The following LRRC4C variants were observed in gnomAD, a reference collection of about 807,000 sequenced individuals.
LRRC4C encodes the protein leucine-rich repeat-containing protein 4C.
LRRC4C carries 5 observed loss-of-function variants against 33.6 expected under a neutral mutation model. That is an observed-to-expected ratio of 0.15 (90% CI 0.08 to 0.31). The LOEUF is 0.31. Among genes scored for constraint, LRRC4C ranks in the 10% least tolerant of loss-of-function variants. The pLI is 1.00. For missense variants in LRRC4C, 560 were observed against 796.7 expected (o/e 0.70, Z 3.58); for synonymous variants, 329 against 302.0 (o/e 1.09, Z -0.93).
chr11:41,374,459 A>C (rs554859959), intron 1 of LRRC4C, among the ~76,000 whole-genome samples: 1 of 152,346 alleles, frequency 6.6e-6, no homozygotes, highest in East Asian at 1.9e-4. Context: ...TACAGAGGAC[A>C]GAGTAACAAG....
intron 1 of LRRC4C, among the ~76,000 whole-genome samples, chr11:41,287,706 A>G (rs1261451416): frequency 1.3e-5 from 2 of 152,162 alleles, no homozygotes; most frequent in Non-Finnish European, 2.9e-5. Flanking sequence ...CGCTTATAAA[A>G]TTATGTTTCT....
At chr11:41,316,625 T>G (rs577433525) in intron 1 of LRRC4C, among the ~76,000 whole-genome samples, 1 of 152,206 alleles carries the variant, frequency 6.6e-6, no homozygotes, top group Non-Finnish European at 1.5e-5. Flanking sequence ...ACTTCTTATA[T>G]GTAGAGCTAT....
chr11:40,279,044 T>C (rs79391637), intron 4 of LRRC4C, among the ~76,000 whole-genome samples: 2 of 152,094 alleles, frequency 1.3e-5, no homozygotes, highest in African/African-American at 4.8e-5. Context: ...AAATAGCCCA[T>C]GAAAGAGGAC....
chr11:40,833,010 A>T (rs139016045), intron 2 of LRRC4C, among the ~76,000 whole-genome samples: 4 of 152,308 alleles, frequency 2.6e-5, no homozygotes, highest in East Asian at 1.9e-4. Flanking sequence ...AAATGCTATC[A>T]TATTGAATTA....
chr11:40,778,209 GTTTAGAA>G (rs1950084472), intron 2 of LRRC4C, among the ~76,000 whole-genome samples: 1 of 152,120 alleles, frequency 6.6e-6, no homozygotes, highest in African/African-American at 2.4e-5. Flanking sequence ...TCATTCCCAT[GTTTAGAA>G]CTCCCTTGAG....
At chr11:41,451,226 A>G (rs1411393002) in intron 1 of LRRC4C, among the ~76,000 whole-genome samples, 3 of 152,188 alleles carry the variant, frequency 2.0e-5, no homozygotes, top group Admixed American at 6.6e-5. Flanking sequence ...AAGAACATTC[A>G]TTGAGAATTC....
chr11:41,030,638 G>A (rs1280519763), intron 1 of LRRC4C, among the ~76,000 whole-genome samples: 1 of 151,790 alleles, frequency 6.6e-6, no homozygotes, highest in Non-Finnish European at 1.5e-5. Context: ...TCAGCCGCTT[G>A]GTGAAACCTT....
chr11:40,735,472 C>T (rs1039867543), intron 2 of LRRC4C, among the ~76,000 whole-genome samples: 2 of 148,328 alleles, frequency 1.3e-5, no homozygotes, highest in Non-Finnish European at 3.0e-5. Flanking sequence ...TCATCCATGT[C>T]CCTACAAAGG....
intron 1 of LRRC4C, among the ~76,000 whole-genome samples, chr11:41,384,915 T>C (rs1351038337): frequency 6.7e-6 from 1 of 149,998 alleles, no homozygotes; most frequent in Non-Finnish European, 1.5e-5. Context: ...TGATTTAGTA[T>C]ACTATACCAT....
At chr11:40,652,128 G>A (rs750518465) in intron 2 of LRRC4C, among the ~76,000 whole-genome samples, 19 of 152,154 alleles carry the variant, frequency 1.2e-4, no homozygotes, top group Non-Finnish European at 1.9e-4. Context: ...CCTCCTGACT[G>A]TTAGGTACTA....
intron 3 of LRRC4C, among the ~76,000 whole-genome samples, chr11:40,376,104 AAATAT>A (rs1473374093): frequency 5.9e-5 from 9 of 152,340 alleles, no homozygotes; most frequent in South Asian, 2.1e-4. Context: ...ATATAAGAAG[AAATAT>A]AATATGAGTA....
chr11:41,142,885 T>C (rs1943571225), intron 1 of LRRC4C, among the ~76,000 whole-genome samples: 1 of 152,156 alleles, frequency 6.6e-6, no homozygotes, highest in Admixed American at 6.6e-5. Flanking sequence ...TATTTCCCCA[T>C]TTATAGTGCA....
At chr11:40,991,693 C>T (rs1411263956) in intron 1 of LRRC4C, among the ~76,000 whole-genome samples, 1 of 152,282 alleles carries the variant, frequency 6.6e-6, no homozygotes, top group African/African-American at 2.4e-5. Flanking sequence ...GCATTAGATT[C>T]TCATAAGGAG....
chr11:40,497,176 C>T (rs1159714050), intron 3 of LRRC4C, among the ~76,000 whole-genome samples: 1 of 152,014 alleles, frequency 6.6e-6, no homozygotes, highest in South Asian at 2.1e-4. Flanking sequence ...GAGGCAGAGG[C>T]GGGCGGATCA....
At chr11:40,208,948 C>CGT (rs58767227) in intron 5 of LRRC4C, among the ~76,000 whole-genome samples, 1,632 of 146,644 alleles carry the variant, frequency 0.011, 15 homozygotes, top group African/African-American at 0.019. Flanking sequence ...CTTTTGTGCA[C>CGT]GTGTGTGTGT....
intron 1 of LRRC4C, among the ~76,000 whole-genome samples, chr11:41,191,285 T>C (rs896781409): frequency 6.6e-6 from 1 of 152,184 alleles, no homozygotes; most frequent in African/African-American, 2.4e-5. Context: ...CTACATCAAG[T>C]GTCAGGAGCC....
intron 3 of LRRC4C, among the ~76,000 whole-genome samples, chr11:40,431,112 A>AT (rs1357217423): frequency 4.0e-4 from 61 of 151,156 alleles, no homozygotes; most frequent in African/African-American, 1.2e-3. Flanking sequence ...AAAAAAAAAA[A>AT]AAATAAATTA....
chr11:40,474,927 G>A (rs901128947), intron 3 of LRRC4C, among the ~76,000 whole-genome samples: 1 of 152,086 alleles, frequency 6.6e-6, no homozygotes, highest in African/African-American at 2.4e-5. Context: ...AGTTAGAATG[G>A]CAATCATTAA....
At chr11:41,268,346 AC>A (rs776182575) in intron 1 of LRRC4C, among the ~76,000 whole-genome samples, 1 of 152,000 alleles carries the variant, frequency 6.6e-6, no homozygotes, top group Non-Finnish European at 1.5e-5. Flanking sequence ...CTTGCAGAGG[AC>A]CCCGTTAAGC....
Sources: gnomAD v4.1 joint callset for allele counts (sites outside exome capture counted in the v4.1 genomes callset) on GRCh38, gnomAD v4.1.1 for gene constraint, MANE v1.5 for transcripts, NCBI Gene and HGNC (gene_info 2026-07-23, HGNC 2026-07-21) for gene names.